Variants in ADAMTS17 observed in about 807,000 individuals in gnomAD.
The protein encoded by ADAMTS17 is A disintegrin and metalloproteinase with thrombospondin motifs 17.
ADAMTS17 carries 113 observed loss-of-function variants against 141.5 expected under a neutral mutation model. The ratio of observed to expected loss-of-function variants is 0.80; its 90% CI spans 0.69 to 0.93. The LOEUF (loss-of-function observed/expected upper bound fraction) is 0.93. ADAMTS17 is among the 40% of genes least tolerant of loss of function. The pLI is 0.00. For synonymous variants in ADAMTS17, 768 were observed against 630.6 expected, an observed-to-expected ratio of 1.22 and a Z score of -3.27; for missense variants, 1,659 against 1,517.9, an observed-to-expected ratio of 1.09 and a Z score of -1.54.
In ADAMTS17 at chr15:99,974,236, A is replaced by T. The variant is rs1265939266; in HGVS notation, c.*166T>A. 10 of 806,052 alleles carry T rather than the reference A, an allele frequency of 1.2e-5. No homozygotes were observed. Among genetic ancestry groups the T allele is most frequent in the Non-Finnish European group, 2.0e-5 (10 of 497,200 alleles). 49.9% of individuals were successfully genotyped at this position (806,052 alleles called of 1,614,324 possible). A position where few individuals can be genotyped will look rare whatever the true frequency, so the allele number is the denominator to read the frequency against. ...GCCAGCCAGTGGCTGTTAACAATAT[A>T]TTAAGTACGGAAGCACTAATGGCAA... On this transcript the variant is annotated 3_prime_UTR_variant, in exon 22 of 22. Coordinates refer to ENST00000268070, the MANE Select transcript of ADAMTS17 (RefSeq NM_139057.4).
intron 6 of ADAMTS17, among the ~76,000 whole-genome samples, chr15:100,257,787 C>T (rs1411513524): frequency 6.6e-6 from 1 of 152,178 alleles, no homozygotes; most frequent in African/African-American, 2.4e-5. Context: ...ACTATCTTAA[C>T]CATTGAGTGT....
chr15:100,105,681 T>C (rs951843736), intron 14 of ADAMTS17, among the ~76,000 whole-genome samples: 7 of 152,262 alleles, frequency 4.6e-5, no homozygotes, highest in Admixed American at 4.6e-4. Flanking sequence ...GAGAGCTAGC[T>C]AGCTCTCTTA....
At chr15:100,172,787 C>G (rs2040208182) in intron 8 of ADAMTS17, among the ~76,000 whole-genome samples, 1 of 152,214 alleles carries the variant, frequency 6.6e-6, no homozygotes, top group African/African-American at 2.4e-5. Context: ...CTGGTGTGCT[C>G]TCACCATTGT....
chr15:100,019,941 T>G (rs937450448), intron 18 of ADAMTS17, among the ~76,000 whole-genome samples: 10 of 152,242 alleles, frequency 6.6e-5, no homozygotes, highest in African/African-American at 2.2e-4. Context: ...ACCAAATTCC[T>G]ACTACTCACA....
At chr15:100,234,103 C>T (rs2042578576) in intron 7 of ADAMTS17, among the ~76,000 whole-genome samples, 1 of 152,190 alleles carries the variant, frequency 6.6e-6, no homozygotes, top group African/African-American at 2.4e-5. Context: ...AAGGGCAGCA[C>T]AGGCCTGGAC....
chr15:100,019,441 C>T (rs1172906768), intron 18 of ADAMTS17, among the ~76,000 whole-genome samples: 15 of 152,106 alleles, frequency 9.9e-5, no homozygotes, highest in Admixed American at 8.5e-4. Context: ...TAGTTAATCT[C>T]GGTACTTTTC....
chr15:99,992,130 G>T (rs1270224670), intron 20 of ADAMTS17, among the ~76,000 whole-genome samples: 1 of 151,984 alleles, frequency 6.6e-6, no homozygotes, highest in Non-Finnish European at 1.5e-5. Flanking sequence ...CATGACACAT[G>T]TATACCTGTG....
intron 7 of ADAMTS17, among the ~76,000 whole-genome samples, chr15:100,237,755 C>G (rs2141880163): frequency 1.3e-5 from 2 of 152,332 alleles, no homozygotes; most frequent in South Asian, 4.1e-4. Context: ...TCCCAAGTAG[C>G]TGGAATTATA....
chr15:100,341,938 G>A lies in ADAMTS17; in HGVS notation c.-39C>T, dbSNP rs765739064. 371 of 1,546,960 alleles carry A rather than the reference G, an allele frequency of 2.4e-4. 7 individuals are homozygous for A. The East Asian group carries it at 8.8e-3, about 37-fold the overall frequency. On this transcript the variant is annotated 5_prime_UTR_variant, in exon 1 of 22. Coordinates refer to ENST00000268070, the MANE Select transcript of ADAMTS17 (RefSeq NM_139057.4). ...GGCAGCCCCCCCGGACCGTGGCGGC[G>A]AAGCAGGAGCGCGCTAGGCGGCGGC... is the stretch of plus-strand genomic sequence containing the variant.
chr15:100,273,915 A>G (rs1305876504), intron 4 of ADAMTS17, among the ~76,000 whole-genome samples: 1 of 152,044 alleles, frequency 6.6e-6, no homozygotes, highest in African/African-American at 2.4e-5. Flanking sequence ...TTCCAATGTC[A>G]CTTGTGATTT....
chr15:100,042,697 A>G (rs2031356049), intron 18 of ADAMTS17, among the ~76,000 whole-genome samples: 1 of 152,192 alleles, frequency 6.6e-6, no homozygotes, highest in South Asian at 2.1e-4. Context: ...CTGAGTGACA[A>G]CCAGCAGGGA....
At chr15:100,172,160 G>A (rs895580716) in intron 8 of ADAMTS17, among the ~76,000 whole-genome samples, 1 of 152,182 alleles carries the variant, frequency 6.6e-6, no homozygotes, top group Non-Finnish European at 1.5e-5. Flanking sequence ...TTTCCGCAAA[G>A]CATTGGTTCC....
intron 2 of ADAMTS17, 50 bp from the exon 3 acceptor site, chr15:100,331,104 A>G: frequency 6.2e-7 from 1 of 1,610,326 alleles, no homozygotes; most frequent in Non-Finnish European, 8.5e-7. Context: ...TCACTCACAC[A>G]CGCCCATGGC....
At chr15:100,320,012 C>T (rs941711268) in intron 3 of ADAMTS17, among the ~76,000 whole-genome samples, 1 of 152,080 alleles carries the variant, frequency 6.6e-6, no homozygotes, top group African/African-American at 2.4e-5. Flanking sequence ...ATAAAAAAGA[C>T]AGCAGTGGAA....
chr15:100,027,048 G>T (rs1470424986), intron 18 of ADAMTS17, among the ~76,000 whole-genome samples: 1 of 152,214 alleles, frequency 6.6e-6, no homozygotes, highest in Non-Finnish European at 1.5e-5. Flanking sequence ...GAGAATACAG[G>T]TGAAGGCATT....
chr15:100,086,041 C>T (rs943512897), intron 15 of ADAMTS17, among the ~76,000 whole-genome samples: 12 of 150,760 alleles, frequency 8.0e-5, no homozygotes, highest in African/African-American at 3.0e-4. Flanking sequence ...AATTAAAAGA[C>T]ACAGACTAGC....
chr15:100,291,872 A>T (rs1161687572), intron 3 of ADAMTS17, among the ~76,000 whole-genome samples: 3 of 152,274 alleles, frequency 2.0e-5, no homozygotes, highest in Non-Finnish European at 4.4e-5. Context: ...ATGTACACCA[A>T]ACCCCCACGA....
intron 10 of ADAMTS17, among the ~76,000 whole-genome samples, chr15:100,147,064 A>G (rs1254105207): frequency 6.6e-6 from 1 of 152,078 alleles, no homozygotes; most frequent in African/African-American, 2.4e-5. Context: ...TACCTTCTGA[A>G]GTACTTGATG....
chr15:100,260,092 G>A (rs558497671), intron 6 of ADAMTS17, among the ~76,000 whole-genome samples: 35 of 152,050 alleles, frequency 2.3e-4, no homozygotes, highest in South Asian at 1.7e-3. Context: ...TGATCCGCCC[G>A]CCTCAGCCTC....
Sources: gnomAD v4.1 joint callset for allele counts (sites outside exome capture counted in the v4.1 genomes callset) on GRCh38, gnomAD v4.1.1 for gene constraint, MANE v1.5 for transcripts, NCBI Gene and HGNC (gene_info 2026-07-23, HGNC 2026-07-21) for gene names.